Variants in MGAT5 observed in about 807,000 individuals in gnomAD.
MGAT5 encodes alpha-1,6-mannosylglycoprotein 6-beta-N-acetylglucosaminyltransferase A.
MGAT5 carries 30 observed loss-of-function variants against 94.3 expected under a neutral mutation model. The ratio of observed to expected loss-of-function variants is 0.32; its 90% CI spans 0.24 to 0.43. The LOEUF is 0.43. Ranked by LOEUF, MGAT5 falls within the 20% of genes least tolerant of loss-of-function variation. MGAT5 has a pLI of 1.00. For synonymous variants in MGAT5, 310 were observed against 322.9 expected (o/e 0.96, Z 0.43); for missense variants, 691 against 905.5 (o/e 0.76, Z 3.04).
At chr2:134,234,151 C>T (rs887454332) in intron 1 of MGAT5, among the ~76,000 whole-genome samples, 3 of 152,040 alleles carry the variant, frequency 2.0e-5, no homozygotes, top group Non-Finnish European at 4.4e-5. Context: ...CTGTGTTTCT[C>T]ATACTTTGTT....
In MGAT5 at chr2:134,374,125, TGGA is replaced by T. The variant is rs1381801660; in HGVS notation, c.1380+11719_1380+11721del. Among the ~76,000 whole-genome samples the T allele has an allele frequency of 2.0e-5, 3 of 152,132 alleles. No individual in the cohort carries two copies. The East Asian group carries it at 5.8e-4, about 29-fold the overall frequency. ...TAGTTGTATGATTTTAAAATGGAGG[TGGA>T]GAAGCAAATCTTAAATCTGGGAAGG... On this transcript the variant is annotated intron_variant, in intron 10 of 15. Transcript: ENST00000281923.
intron 1 of MGAT5, among the ~76,000 whole-genome samples, chr2:134,171,955 T>A (rs541078445): frequency 2.0e-5 from 3 of 152,306 alleles, no homozygotes; most frequent in African/African-American, 7.2e-5. Context: ...GGGGTGGCTC[T>A]CTTGGTACCA....
chr2:134,161,821 G>T (rs547027550), intron 1 of MGAT5, among the ~76,000 whole-genome samples: 86 of 152,020 alleles, frequency 5.7e-4, no homozygotes, highest in Non-Finnish European at 2.4e-4. Flanking sequence ...TTTCTTTCTA[G>T]AAGGACCTTG....
At chr2:134,274,558 C>T (rs114243777) in intron 2 of MGAT5, among the ~76,000 whole-genome samples, 5 of 146,664 alleles carry the variant, frequency 3.4e-5, no homozygotes, top group African/African-American at 1.3e-4. Flanking sequence ...TTGTGTAGCT[C>T]TCTACGGGGT....
intron 10 of MGAT5, among the ~76,000 whole-genome samples, chr2:134,400,771 T>C (rs924076555): frequency 6.6e-6 from 1 of 152,198 alleles, no homozygotes; most frequent in Non-Finnish European, 1.5e-5. Flanking sequence ...ATGCCTCCTT[T>C]TGCATAAAGG....
intron 1 of MGAT5, among the ~76,000 whole-genome samples, chr2:134,179,670 C>G (rs1471913174): frequency 6.6e-6 from 1 of 152,172 alleles, no homozygotes; most frequent in East Asian, 1.9e-4. Context: ...TTATTCTTCC[C>G]TGTTCTGCTT....
At chr2:134,338,110 A>G in intron 5 of MGAT5, 149 bp from the exon 6 acceptor site, 1 of 631,230 alleles carries the variant, frequency 1.6e-6, no homozygotes, top group South Asian at 2.6e-5. Context: ...CTGGGACCTT[A>G]AAGTCAAAGC....
intron 11 of MGAT5, among the ~76,000 whole-genome samples, chr2:134,407,134 C>T (rs1365000656): frequency 1.3e-5 from 2 of 152,188 alleles, no homozygotes; most frequent in African/African-American, 2.4e-5. Flanking sequence ...TTAGATCTCA[C>T]CAGCTAGGGA....
At chr2:134,347,360 C>T (rs906645300) in intron 8 of MGAT5, among the ~76,000 whole-genome samples, 8 of 152,144 alleles carry the variant, frequency 5.3e-5, no homozygotes, top group Admixed American at 2.6e-4. Flanking sequence ...AGCCCAGTGC[C>T]GCATAGCTTA....
At chr2:134,426,036 TC>T (rs757044605) in intron 13 of MGAT5, among the ~76,000 whole-genome samples, 38 of 152,108 alleles carry the variant, frequency 2.5e-4, no homozygotes, top group Non-Finnish European at 4.9e-4. Context: ...CTTCACTTGT[TC>T]CTAAAGAACT....
At chr2:134,372,875 G>A (rs1428729953) in intron 10 of MGAT5, among the ~76,000 whole-genome samples, 1 of 152,220 alleles carries the variant, frequency 6.6e-6, no homozygotes, top group African/African-American at 2.4e-5. Flanking sequence ...GAGGCCCTTG[G>A]TGCTCAGCAG....
intron 1 of MGAT5, among the ~76,000 whole-genome samples, chr2:134,168,480 G>A (rs1688055478): frequency 6.6e-6 from 1 of 152,126 alleles, no homozygotes; most frequent in African/African-American, 2.4e-5. Context: ...ACCTATTTAA[G>A]GTTACCATTT....
chr2:134,324,099 G>A (rs1210468899), intron 4 of MGAT5, among the ~76,000 whole-genome samples: 1 of 152,084 alleles, frequency 6.6e-6, no homozygotes, highest in Non-Finnish European at 1.5e-5. Flanking sequence ...TTTGACACTG[G>A]CACTTTTTTT....
At chr2:134,313,452 C>G (rs750921976) in intron 2 of MGAT5, among the ~76,000 whole-genome samples, 16 of 150,994 alleles carry the variant, frequency 1.1e-4, no homozygotes, top group Non-Finnish European at 1.3e-4. Flanking sequence ...TGTGTAGATA[C>G]CTGGTTGCCA....
chr2:134,304,064 T>C (rs1488636116), intron 2 of MGAT5, among the ~76,000 whole-genome samples: 1 of 152,218 alleles, frequency 6.6e-6, no homozygotes, highest in Non-Finnish European at 1.5e-5. Flanking sequence ...TGCCAATGCA[T>C]AGTTTCTCTG....
In MGAT5 at chr2:134,445,020, G is replaced by A. The variant is rs541041451; in HGVS notation, c.2027+3105G>A. Among the ~76,000 whole-genome samples the A allele has an allele frequency of 2.8e-4, 42 of 152,300 alleles. 1 individual carries two copies. Among genetic ancestry groups the A allele is most frequent in the African/African-American group, 8.4e-4 (35 of 41,564 alleles). Reference sequence around the variant, plus strand: ...GGAGAGGACCTCAGTTCCATACACAGGAACATGTGTTCCTGCCCAGTTTCT... The same window carrying A: ...GGAGAGGACCTCAGTTCCATACACAAGAACATGTGTTCCTGCCCAGTTTCT... On this transcript the variant is annotated intron_variant, in intron 15 of 15. Coordinates refer to ENST00000281923, the MANE Select transcript of MGAT5 (RefSeq NM_002410.5).
intron 1 of MGAT5, among the ~76,000 whole-genome samples, chr2:134,171,381 A>G (rs189694208): frequency 6.6e-6 from 1 of 152,296 alleles, no homozygotes; most frequent in Admixed American, 6.5e-5. Context: ...TCCGGAAAGC[A>G]TTAGGATTGG....
At chr2:134,355,772 T>C (rs2106080710) in intron 9 of MGAT5, among the ~76,000 whole-genome samples, 1 of 152,350 alleles carries the variant, frequency 6.6e-6, no homozygotes, top group South Asian at 2.1e-4. Flanking sequence ...TACAACTTCG[T>C]CTGGCTTGTA....
At chr2:134,201,284 G>A (rs1384282225) in intron 1 of MGAT5, among the ~76,000 whole-genome samples, 1 of 152,114 alleles carries the variant, frequency 6.6e-6, no homozygotes, top group Non-Finnish European at 1.5e-5. Context: ...AGGTCCAGGG[G>A]TTGGTAGGAG....
Sources: allele counts gnomAD v4.1 joint callset (sites outside exome capture counted in the v4.1 genomes callset), GRCh38; gene constraint gnomAD v4.1.1; transcripts MANE v1.5; gene names NCBI Gene and HGNC (gene_info 2026-07-23, HGNC 2026-07-21).